Variants in BNC2 observed in about 807,000 individuals in gnomAD.
BNC2 encodes the protein zinc finger protein basonuclin-2.
BNC2 carries 20 observed loss-of-function variants against 76.3 expected under a neutral mutation model. The observed-to-expected ratio is 0.26, with a 90% CI of 0.18 to 0.38. The LOEUF (loss-of-function observed/expected upper bound fraction) is 0.38. BNC2 is among the 10% of genes least tolerant of loss of function. The pLI is 1.00. For synonymous variants in BNC2, 582 were observed against 514.8 expected (o/e 1.13, Z -1.77); for missense variants, 1,382 against 1,399.8 (o/e 0.99, Z 0.20).
chr9:16,531,470 A>T (rs921395670), intron 5 of BNC2, among the ~76,000 whole-genome samples: 11 of 152,076 alleles, frequency 7.2e-5, no homozygotes, highest in African/African-American at 1.9e-4. Flanking sequence ...TTTAAACAAA[A>T]ACCTAGAGAC....
At chr9:16,678,205 C>T (rs1315442210) in intron 3 of BNC2, among the ~76,000 whole-genome samples, 2 of 147,802 alleles carry the variant, frequency 1.4e-5, no homozygotes, top group African/African-American at 5.0e-5. Context: ...TTTAGCAAAA[C>T]AACTCTTGTC....
At chr9:16,487,640 A>G (rs1167096392) in intron 5 of BNC2, among the ~76,000 whole-genome samples, 2 of 152,246 alleles carry the variant, frequency 1.3e-5, no homozygotes, top group Non-Finnish European at 2.9e-5. Flanking sequence ...GCCAAGTCCT[A>G]TGAGAAAAAA....
chr9:16,434,046 G>A (rs907996836), intron 6 of BNC2, among the ~76,000 whole-genome samples: 4 of 151,974 alleles, frequency 2.6e-5, no homozygotes, highest in Admixed American at 1.3e-4. Context: ...ATGATAACTT[G>A]GAACTGAAAT....
At chr9:16,785,905 T>C (rs887088595) in intron 1 of BNC2, among the ~76,000 whole-genome samples, 1 of 152,004 alleles carries the variant, frequency 6.6e-6, no homozygotes, top group African/African-American at 2.4e-5. Flanking sequence ...CCCAGGGCCT[T>C]GAAGGAAAAT....
chr9:16,526,350 C>G (rs1352146472), intron 5 of BNC2, among the ~76,000 whole-genome samples: 1 of 151,902 alleles, frequency 6.6e-6, no homozygotes, highest in Non-Finnish European at 1.5e-5. Flanking sequence ...AAATTCCTTT[C>G]CAAATGAAAA....
chr9:16,636,935 A>G (rs1242576795), intron 3 of BNC2, among the ~76,000 whole-genome samples: 3 of 151,732 alleles, frequency 2.0e-5, no homozygotes, highest in Admixed American at 6.6e-5. Context: ...AAATATATAT[A>G]TATATGTATT....
chr9:16,451,519 C>T (rs186475544), intron 5 of BNC2, among the ~76,000 whole-genome samples: 1 of 152,114 alleles, frequency 6.6e-6, no homozygotes, highest in African/African-American at 2.4e-5. Flanking sequence ...TAGACTCAAC[C>T]TACATTTCTA....
chr9:16,616,216 G>A (rs1358542934), intron 3 of BNC2, among the ~76,000 whole-genome samples: 2 of 151,782 alleles, frequency 1.3e-5, no homozygotes, highest in Admixed American at 6.6e-5. Context: ...GTAAGACACT[G>A]TCTCTACATA....
At chr9:16,531,262 G>C (rs1337195748) in intron 5 of BNC2, among the ~76,000 whole-genome samples, 1 of 152,128 alleles carries the variant, frequency 6.6e-6, no homozygotes, top group Non-Finnish European at 1.5e-5. Flanking sequence ...AACACTCTCT[G>C]TGAGTTCAGT....
intron 2 of BNC2, among the ~76,000 whole-genome samples, chr9:16,731,096 G>A (rs1242305814): frequency 2.0e-5 from 3 of 152,010 alleles, no homozygotes; most frequent in African/African-American, 7.2e-5. Context: ...CATCTGTATC[G>A]TTTTACAGAC....
At chr9:16,814,477 A>G (rs569631593) in intron 1 of BNC2, among the ~76,000 whole-genome samples, 1 of 152,298 alleles carries the variant, frequency 6.6e-6, no homozygotes, top group East Asian at 1.9e-4. Flanking sequence ...CCTTTCATAA[A>G]CCACTATTTG....
At position 16,419,586 on chromosome 9, in the gene BNC2, C is replaced by T; in HGVS notation, c.2703G>A (p.Leu901=). Residue 901 remains leucine, a synonymous_variant, in exon 7 of 7, where the codon CTG becomes CTA. Coordinates refer to ENST00000380672, the MANE Select transcript of BNC2 (RefSeq NM_017637.6). ...LLTKELDDMG[L]DSSQPSLSKD... is the part of the protein sequence containing the mutation. ...TGCTAAGGGAGGGCTGCGACGAGTC[C>T]AGGCCCATGTCATCGAGTTCTTTGG... 1 of 1,611,050 alleles carries T rather than the reference C, an allele frequency of 6.2e-7. No individual in the cohort carries two copies. The highest frequency in any genetic ancestry group is 8.5e-7 in the Non-Finnish European group (1 of 1,179,734).
chr9:16,825,633 G>A (rs982415159), intron 1 of BNC2, among the ~76,000 whole-genome samples: 2 of 152,054 alleles, frequency 1.3e-5, no homozygotes, highest in Non-Finnish European at 2.9e-5. Flanking sequence ...GAGGAGGGGA[G>A]GGTCACCCAA....
chr9:16,440,816 G>A (rs888847099), intron 5 of BNC2, among the ~76,000 whole-genome samples: 1 of 152,176 alleles, frequency 6.6e-6, no homozygotes, highest in African/African-American at 2.4e-5. Flanking sequence ...CTTGCTTCTG[G>A]TGAAAGAGAT....
chr9:16,790,062 C>T (rs997503494), intron 1 of BNC2, among the ~76,000 whole-genome samples: 3 of 152,256 alleles, frequency 2.0e-5, no homozygotes, highest in African/African-American at 7.2e-5. Context: ...TGCAGTGGCG[C>T]GATCTCGGCT....
At chr9:16,678,904 G>C (rs1305475615) in intron 3 of BNC2, among the ~76,000 whole-genome samples, 4 of 152,126 alleles carry the variant, frequency 2.6e-5, no homozygotes, top group Non-Finnish European at 4.4e-5. Context: ...TTCACTGATT[G>C]TGCAAAGCCT....
chr9:16,501,943 T>C (rs116625498), intron 5 of BNC2, among the ~76,000 whole-genome samples: 1 of 152,232 alleles, frequency 6.6e-6, no homozygotes, highest in Non-Finnish European at 1.5e-5. Context: ...CCAAGACACT[T>C]TGCCATTTTC....
chr9:16,699,615 T>C (rs912660818), intron 3 of BNC2, among the ~76,000 whole-genome samples: 2 of 152,222 alleles, frequency 1.3e-5, no homozygotes, highest in African/African-American at 2.4e-5. Context: ...TGCATAAGAC[T>C]AGCAATCTAC....
At chr9:16,658,192 A>G (rs1358306758) in intron 3 of BNC2, among the ~76,000 whole-genome samples, 1 of 152,170 alleles carries the variant, frequency 6.6e-6, no homozygotes, top group Non-Finnish European at 1.5e-5. Context: ...GAATGAGTGA[A>G]AATTTTCATT....
Sources: allele counts gnomAD v4.1 joint callset (sites outside exome capture counted in the v4.1 genomes callset), GRCh38; gene constraint gnomAD v4.1.1; transcripts MANE v1.5; gene names NCBI Gene and HGNC (gene_info 2026-07-23, HGNC 2026-07-21).